TENT2: variants seen among roughly 807,000 people sequenced by gnomAD.
TENT2 encodes the protein poly(A) RNA polymerase GLD2.
In TENT2, 44 loss-of-function variants were observed where a neutral mutation model predicts 72.2. The observed-to-expected ratio is 0.61, with a 90% CI of 0.48 to 0.78. The LOEUF is 0.78. Among genes scored for constraint, TENT2 ranks in the 30% least tolerant of loss-of-function variants. The pLI is 0.00. For synonymous variants in TENT2, 212 were observed against 192.5 expected (o/e 1.10, Z -0.84); for missense variants, 541 against 569.6 (o/e 0.95, Z 0.51).
intron 1 of TENT2, among the ~76,000 whole-genome samples, chr5:79,618,166 A>G (rs1296286360): frequency 1.3e-5 from 2 of 151,866 alleles, no homozygotes; most frequent in Non-Finnish European, 2.9e-5. Context: ...CATTTCCTCA[A>G]AGTTATCTTT....
intron 8 of TENT2, among the ~76,000 whole-genome samples, chr5:79,646,802 C>T (rs1390152152): frequency 6.7e-6 from 1 of 148,388 alleles, no homozygotes; most frequent in African/African-American, 2.5e-5. Context: ...AGGGTTTTAC[C>T]ATGTTGCCCA....
intron 12 of TENT2, among the ~76,000 whole-genome samples, 177 bp downstream of exon 12, chr5:79,669,205 A>G (rs1227878444): frequency 6.6e-6 from 1 of 152,208 alleles, no homozygotes; most frequent in African/African-American, 2.4e-5. Context: ...TTCCTATGTG[A>G]CAATGAATTA....
At chr5:79,671,388 A>G (rs1812808223) in intron 12 of TENT2, among the ~76,000 whole-genome samples, 1 of 151,944 alleles carries the variant, frequency 6.6e-6, no homozygotes, top group African/African-American at 2.4e-5. Flanking sequence ...GTAATCATTT[A>G]AAAAGTTCTT....
At chr5:79,681,871 C>A (rs1177604036) in intron 13 of TENT2, 111 bp from the exon 14 acceptor site, 6 of 834,970 alleles carry the variant, frequency 7.2e-6, no homozygotes, top group Non-Finnish European at 1.1e-5. Flanking sequence ...TCTGAAATTG[C>A]AATTTTTGTA....
chr5:79,666,716 G>A (rs1808400265), intron 11 of TENT2, among the ~76,000 whole-genome samples: 1 of 152,142 alleles, frequency 6.6e-6, no homozygotes, highest in African/African-American at 2.4e-5. Flanking sequence ...GATGGAAAGT[G>A]ATCATCTTTC....
At chr5:79,636,247 A>G (rs899089854) in intron 4 of TENT2, among the ~76,000 whole-genome samples, 3 of 152,236 alleles carry the variant, frequency 2.0e-5, no homozygotes, top group Admixed American at 1.3e-4. Context: ...ACCATATACT[A>G]GAGAGAAAAA....
intron 11 of TENT2, 95 bp downstream of exon 11, chr5:79,657,096 G>A: frequency 1.2e-6 from 1 of 818,690 alleles, no homozygotes; most frequent in Non-Finnish European, 1.9e-6. Context: ...AAGTAGTAAG[G>A]CTAAGTACAT....
chr5:79,641,444 T>A, intron 6 of TENT2, among the ~76,000 whole-genome samples: 1 of 151,894 alleles, frequency 6.6e-6, no homozygotes, highest in South Asian at 2.1e-4. Context: ...TGTGTTTTTT[T>A]TTTTTTCAAG....
chr5:79,658,106 G>C (rs1799237871), intron 11 of TENT2, among the ~76,000 whole-genome samples: 1 of 147,712 alleles, frequency 6.8e-6, no homozygotes, highest in South Asian at 2.2e-4. Context: ...TGCTGTGGTG[G>C]AGATCTCACA....
intron 12 of TENT2, among the ~76,000 whole-genome samples, chr5:79,678,236 C>G (rs958576591): frequency 2.0e-5 from 3 of 152,024 alleles, no homozygotes; most frequent in East Asian, 1.9e-4. Flanking sequence ...TCACAAGATG[C>G]AAGATTTTTC....
chr5:79,675,087 A>G (rs932404744), intron 12 of TENT2, among the ~76,000 whole-genome samples: 1 of 152,162 alleles, frequency 6.6e-6, no homozygotes, highest in Non-Finnish European at 1.5e-5. Flanking sequence ...TCTAGAGCAG[A>G]AAAAAACAGG....
intron 12 of TENT2, among the ~76,000 whole-genome samples, chr5:79,671,409 CTT>C (rs60299311): frequency 7.7e-5 from 11 of 142,618 alleles, no homozygotes; most frequent in Admixed American, 7.0e-5. Context: ...TTTTCTTTTT[CTT>C]TTTTTTTTTT....
intron 4 of TENT2, among the ~76,000 whole-genome samples, chr5:79,625,772 G>A (rs2150056691): frequency 6.6e-6 from 1 of 151,446 alleles, no homozygotes; most frequent in South Asian, 2.1e-4. Context: ...CAAAATCAGT[G>A]GGAGAAAGGA....
In TENT2 at chr5:79,685,398, A is replaced by G; in HGVS notation, c.*125A>G. 1 of 596,370 alleles carries G rather than the reference A, an allele frequency of 1.7e-6. No individual in the cohort carries two copies. Among genetic ancestry groups the G allele is most frequent in the Non-Finnish European group, 2.7e-6 (1 of 364,306 alleles). The allele number at this position is 596,370 out of a possible 1,614,324, so 36.9% of individuals were successfully genotyped here. A position where few individuals can be genotyped will look rare whatever the true frequency, so the allele number is the denominator to read the frequency against. The stretch of plus-strand genomic sequence containing the variant: ...TTCTTGTTTTCATGTTTTATTTTTA[A>G]AAAGACATATAAAGATTGCATATTT... On this transcript the variant is annotated 3_prime_UTR_variant, in exon 15 of 15. Transcript: ENST00000453514.
intron 1 of TENT2, chr5:79,617,506 A>T (rs1761220428): frequency 6.6e-6 from 1 of 152,110 alleles, no homozygotes; most frequent in Non-Finnish European, 1.5e-5. Context: ...CAGATAATCC[A>T]CCAGTTGATT....
intron 10 of TENT2, among the ~76,000 whole-genome samples, chr5:79,650,953 A>G (rs938535575): frequency 1.3e-5 from 2 of 152,082 alleles, no homozygotes; most frequent in Non-Finnish European, 2.9e-5. Flanking sequence ...GGAATTCTCT[A>G]TTTTGTTTCA....
intron 11 of TENT2, among the ~76,000 whole-genome samples, chr5:79,668,154 T>C (rs992635809): frequency 6.6e-6 from 1 of 152,076 alleles, no homozygotes; most frequent in Non-Finnish European, 1.5e-5. Context: ...TGGGATAACA[T>C]AGGAAAACAG....
chr5:79,641,150 C>T lies in TENT2; in HGVS notation c.626C>T (p.Thr209Ile), dbSNP rs769333063. The T allele has an allele frequency of 5.1e-6, 8 of 1,577,224 alleles. No individual in the cohort carries two copies. The highest frequency in any genetic ancestry group is 6.8e-6 in the Non-Finnish European group (8 of 1,169,446). ...GGGTCCTCTTTAAATGGATTTGGTA[C>T]CCGGAGCAGTGATGGTGATTTATGC... The part of the protein sequence containing the change: ...LVGSSLNGFG[T>I]RSSDGDLCLV... Residue 209 changes from threonine (T) to isoleucine (I), a missense_variant, in exon 6 of 15, where the codon ACC becomes ATC. By Grantham distance (89) the Thr-to-Ile change is moderately conservative. Coordinates refer to ENST00000453514, the MANE Select transcript of TENT2 (RefSeq NM_001114394.3).
chr5:79,645,291 GTTTAT>G, intron 8 of TENT2, 99 bp downstream of exon 8: 2 of 935,832 alleles, frequency 2.1e-6, no homozygotes, highest in Non-Finnish European at 3.1e-6. Flanking sequence ...TAGCATTACA[GTTTAT>G]TTTAATCAGT....
Sources: gnomAD v4.1 joint callset for allele counts (sites outside exome capture counted in the v4.1 genomes callset) on GRCh38, gnomAD v4.1.1 for gene constraint, MANE v1.5 for transcripts, NCBI Gene and HGNC (gene_info 2026-07-23, HGNC 2026-07-21) for gene names.